MRM3: variants seen among roughly 807,000 people sequenced by gnomAD.
MRM3 encodes the protein mitochondrial rRNA methyltransferase 3, also known as rRNA methyltransferase 3, mitochondrial.
A neutral mutation model predicts 29.4 loss-of-function variants in MRM3; 26 were observed. The observed-to-expected ratio is 0.89, with a 90% confidence interval of 0.65 to 1.23. The LOEUF (loss-of-function observed/expected upper bound fraction) is 1.23, where lower values mean the gene tolerates loss of function less well. Ranked by LOEUF, MRM3 falls within the 50% of genes most tolerant of loss-of-function variation. MRM3 has a pLI of 0.00. For synonymous variants in MRM3, 225 were observed against 219.0 expected (o/e 1.03, Z -0.24); for missense variants, 578 against 540.2 (o/e 1.07, Z -0.69).
rs1597597146 is a variant in MRM3 at position 788,929 on chromosome 17, GA to G, written c.727+799del. 2.6e-5 allele frequency among the ~76,000 whole-genome samples: 4 copies of G among 152,340 alleles called. No homozygotes were observed. In the East Asian group the frequency reaches 7.7e-4, roughly 29 times the overall value. ...TGAGGATTAAGTGAGATGATGCACA[GA>G]AGTTACTTCATACCTTACCTGCCTC... On this transcript the variant is annotated intron_variant, in intron 3 of 3. Transcript: ENST00000304478.
At chr17:788,203 G>C in intron 3 of MRM3, 71 bp downstream of exon 3, 1 of 1,520,990 alleles carries the variant, frequency 6.6e-7, no homozygotes, top group South Asian at 1.2e-5. Flanking sequence ...CGAGGCAGGA[G>C]GGTCACTTGA....
At chr17:786,508 C>T (rs1443085179) in intron 2 of MRM3, among the ~76,000 whole-genome samples, 1 of 152,184 alleles carries the variant, frequency 6.6e-6, no homozygotes, top group African/African-American at 2.4e-5. Flanking sequence ...ATCTCCTAAC[C>T]TCATGATCCG....
At chr17:785,426 A>G (rs911489015) in intron 2 of MRM3, among the ~76,000 whole-genome samples, 1 of 152,150 alleles carries the variant, frequency 6.6e-6, no homozygotes, top group African/African-American at 2.4e-5. Flanking sequence ...ATGTATATAT[A>G]ATTTTATCAT....
In MRM3 at chr17:791,951, T is replaced by C; in HGVS notation, c.1145T>C (p.Val382Ala). Residue 382 changes from valine to alanine, a missense_variant, in exon 4 of 4, where the codon GTT becomes GCT. By Grantham distance (64) the Val-to-Ala change is moderately conservative. Transcript: ENST00000304478. ...STGGKRLLIP[V>A]VPGVDSLNSA... Reference sequence around the variant, plus strand: ...GGTGGCAAGAGGCTGCTGATCCCCGTTGTGCCTGGTGTGGACAGCCTCAAC... The same window carrying C: ...GGTGGCAAGAGGCTGCTGATCCCCGCTGTGCCTGGTGTGGACAGCCTCAAC... 1 of 1,614,038 alleles carries C rather than the reference T, an allele frequency of 6.2e-7. No individual in the cohort carries two copies. The highest frequency in any genetic ancestry group is 8.5e-7 in the Non-Finnish European group (1 of 1,180,034).
rs1597592809 is a variant in MRM3 at position 782,946 on chromosome 17, C to G, written c.315-137C>G. 3.8e-6 allele frequency: 5 copies of G among 1,299,922 alleles called. No individual in the cohort carries two copies. In the African/African-American group the frequency reaches 7.4e-5, roughly 19 times the overall value. 80.5% of individuals were successfully genotyped at this position (1,299,922 alleles called of 1,614,324 possible). ...CAGGTGATCCGCCCGCCTCGGCCTC[C>G]CAATGTGCTGGGATTACAGGCGTGA... On this transcript the variant is annotated intron_variant, in intron 1 of 3. Coordinates refer to ENST00000304478, the MANE Select transcript of MRM3 (RefSeq NM_018146.4).
rs140640971 is a variant in MRM3 at position 791,919 on chromosome 17, G to T, written c.1113G>T (p.Glu371Asp). 3 of 1,613,884 alleles carry T rather than the reference G, an allele frequency of 1.9e-6. No homozygotes were observed. The highest frequency in any genetic ancestry group is 2.5e-6 in the Non-Finnish European group (3 of 1,180,042). Residue 371 changes from glutamate (E) to aspartate (D), a missense_variant, in exon 4 of 4, where the codon GAG (glutamate) becomes GAT (aspartate). Coordinates refer to ENST00000304478, the MANE Select transcript of MRM3 (RefSeq NM_018146.4). ...GCCTGGAGTCCCTGCAGCTGGCCGAGAGCACTGGTGGCAAGAGGCTGCTGA... is the reference window on the plus strand; with the variant it reads ...GCCTGGAGTCCCTGCAGCTGGCCGATAGCACTGGTGGCAAGAGGCTGCTGA... ...GVSLESLQLAESTGGKRLLIP... is the reference protein window; with the variant it reads ...GVSLESLQLADSTGGKRLLIP...
At chr17:782,726 G>T in intron 1 of MRM3, 34 bp downstream of exon 1, 1 of 1,562,642 alleles carries the variant, frequency 6.4e-7, no homozygotes, top group South Asian at 1.2e-5. Context: ...GAATGTTCTC[G>T]TTTCCCTTCC....
rs373092611 is a variant in MRM3 at position 791,788 on chromosome 17, G to A, written c.982G>A (p.Gly328Arg). 9 of 1,614,066 alleles carry A rather than the reference G, an allele frequency of 5.6e-6. No homozygotes were observed. Among genetic ancestry groups the A allele is most frequent in the African/African-American group, 5.3e-5 (4 of 74,914 alleles). ...TGAGGAAGAGGAAGATGTAGAAACC[G>A]GAGCCAGTCAAGATTGGCTGCCTCA... The part of the protein sequence containing the change: ...KYEEEEDVET[G>R]ASQDWLPHVE... The change falls in exon 4 of 4, where the codon GGA becomes AGA. Residue 328 changes from glycine (G) to arginine (R), a missense_variant. Coordinates refer to ENST00000304478, the MANE Select transcript of MRM3 (RefSeq NM_018146.4).
intron 2 of MRM3, among the ~76,000 whole-genome samples, chr17:784,023 G>C (rs1910411341): frequency 6.6e-6 from 1 of 152,168 alleles, no homozygotes; most frequent in Admixed American, 6.5e-5. Flanking sequence ...CGAGGTACAA[G>C]CCACAATTTA....
chr17:787,814 G>A lies in MRM3; in HGVS notation c.560-151G>A. The A allele has an allele frequency of 1.2e-6, 1 of 820,722 alleles. No individual in the cohort carries two copies. Among genetic ancestry groups the A allele is most frequent in the South Asian group, 1.7e-5 (1 of 60,434 alleles). The allele number at this position is 820,722 out of a possible 1,614,324, so 50.8% of individuals were successfully genotyped here. A position where few individuals can be genotyped will look rare whatever the true frequency, so the allele number is the denominator to read the frequency against. ...TCCACCCGCCTTGGCCTCCCGAAGT[G>A]TTGGGATTACAGGCATGAGCCAGTA... On this transcript the variant is annotated intron_variant, in intron 2 of 3. Transcript: ENST00000304478. This position sits in a 1 kb window ranked among gnomAD's most constrained non-coding sequence, Gnocchi z 4.1.
rs185426989 is a variant in MRM3 at position 791,196 on chromosome 17, T to A, written c.728-338T>A. 1.8e-4 allele frequency among the ~76,000 whole-genome samples: 27 copies of A among 152,268 alleles called. No homozygotes were observed. The East Asian group carries it at 4.1e-3, about 23-fold the overall frequency. On this transcript the variant is annotated intron_variant, in intron 3 of 3. Transcript: ENST00000304478. ...GTGTGGGTGCTTCTTTTACATCAGT[T>A]ACTGATACTGTAGCCATCTGTTTAA...
rs374797907 is a variant in MRM3, at chr17:791,566, C to T, written c.760C>T (p.Arg254Trp). 3.3e-5 allele frequency: 53 copies of T among 1,614,050 alleles called. No individual in the cohort carries two copies. The highest frequency in any genetic ancestry group is 2.2e-4 in the Admixed American group (13 of 60,012). ...GGATGCCTGGGAGCCCAAAGTGCTC[C>T]GGGCGGGTATGGGCGCACATTTCCG... ...CVDAWEPKVLRAGMGAHFRMP... is the reference protein window; with the variant it reads ...CVDAWEPKVLWAGMGAHFRMP... The change falls in exon 4 of 4, where the codon CGG (arginine) becomes TGG (tryptophan). Residue 254 changes from arginine (R) to tryptophan (W), a missense_variant. Physicochemically the swap from Arg to Trp is moderately radical, Grantham distance 101. Coordinates refer to ENST00000304478, the MANE Select transcript of MRM3 (RefSeq NM_018146.4).
intron 3 of MRM3, chr17:789,917 T>C (rs1386643051): frequency 6.6e-6 from 1 of 152,144 alleles, no homozygotes; most frequent in East Asian, 1.9e-4. Flanking sequence ...CTTTCCCTTC[T>C]CCCCTCCAGG....
rs145885911 is a variant in MRM3 at position 789,398 on chromosome 17, C to T, written c.727+1266C>T. ...TAGCCTCAGCGTGGGTCACATGCCC[C>T]GCACACAAATTCGCCTCATTACATT... On this transcript the variant is annotated intron_variant, in intron 3 of 3. Transcript: ENST00000304478. Among the ~76,000 whole-genome samples the T allele has an allele frequency of 1.4e-4, 21 of 152,294 alleles. No individual in the cohort carries two copies. In the East Asian group the frequency reaches 3.9e-3, roughly 28 times the overall value.
chr17:788,230 C>G (rs1910631202), intron 3 of MRM3, 98 bp downstream of exon 3: 1 of 1,176,676 alleles, frequency 8.5e-7, no homozygotes, highest in Admixed American at 2.1e-5. Flanking sequence ...GAGTTCAGGA[C>G]CATCCTGGGC....
At chr17:788,484 T>A (rs1910644805) in intron 3 of MRM3, among the ~76,000 whole-genome samples, 1 of 151,336 alleles carries the variant, frequency 6.6e-6, no homozygotes, top group Non-Finnish European at 1.5e-5. Flanking sequence ...TTTTTTTTTT[T>A]TTTTTTTTTA....
intron 2 of MRM3, among the ~76,000 whole-genome samples, chr17:784,624 T>A (rs1910446861): frequency 6.6e-6 from 1 of 152,222 alleles, no homozygotes; most frequent in Non-Finnish European, 1.5e-5. Context: ...CCTGCTTTCA[T>A]CATTTCCTGG....
chr17:783,749 C>G (rs1910376515), intron 2 of MRM3, among the ~76,000 whole-genome samples: 1 of 152,176 alleles, frequency 6.6e-6, no homozygotes, highest in Non-Finnish European at 1.5e-5. Flanking sequence ...ATATAATTCT[C>G]AAACCTGTGT....
chr17:783,600 G>GA, intron 2 of MRM3: 1 of 310,232 alleles, frequency 3.2e-6, no homozygotes, highest in South Asian at 3.4e-5. Flanking sequence ...GCCTCCCAAA[G>GA]TGCTGGGATT....
Sources: allele counts gnomAD v4.1 joint callset (sites outside exome capture counted in the v4.1 genomes callset), GRCh38; gene constraint gnomAD v4.1.1; non-coding constraint Gnocchi (gnomAD v3.1); transcripts MANE v1.5; gene names NCBI Gene and HGNC (gene_info 2026-07-23, HGNC 2026-07-21).